GABRG2: variants seen among roughly 807,000 people sequenced by gnomAD.
The protein encoded by GABRG2 is gamma-aminobutyric acid receptor subunit gamma-2.
GABRG2 carries 16 observed loss-of-function variants against 56.4 expected under a neutral mutation model. That is an observed-to-expected ratio of 0.28 (90% CI 0.19 to 0.43). The LOEUF is 0.43. Among genes scored for constraint, GABRG2 ranks in the 20% least tolerant of loss-of-function variants. The probability of loss-of-function intolerance (pLI) is 1.00; values close to 1 mark genes in which losing one functional copy is unlikely to be tolerated. For missense variants in GABRG2, 327 were observed against 582.7 expected, an observed-to-expected ratio of 0.56 and a Z score of 4.52; for synonymous variants, 208 against 205.5, an observed-to-expected ratio of 1.01 and a Z score of -0.10.
chr5:162,094,199 C>T, intron 2 of GABRG2: 1 of 536,060 alleles, frequency 1.9e-6, no homozygotes, highest in South Asian at 2.2e-5. Context: ...AGCTTGAGAG[C>T]TAGAGTTAGA....
intron 7 of GABRG2, among the ~76,000 whole-genome samples, chr5:162,143,375 CTT>C (rs560506648): frequency 4.4e-4 from 67 of 152,224 alleles, no homozygotes; most frequent in African/African-American, 1.2e-3. Context: ...AAAAGCGACT[CTT>C]AAGATTATTT....
chr5:162,077,109 GTGA>G (rs1295671089), intron 1 of GABRG2, among the ~76,000 whole-genome samples: 1,434 of 136,378 alleles, frequency 0.011, 26 homozygotes, highest in African/African-American at 0.04. Context: ...GTGTGTGTGT[GTGA>G]TGTTTCTATC....
chr5:162,115,666 G>T (rs1391159446), intron 6 of GABRG2, among the ~76,000 whole-genome samples: 2 of 152,062 alleles, frequency 1.3e-5, no homozygotes, highest in Admixed American at 6.6e-5. Flanking sequence ...AGAGAGGAAG[G>T]AAAAGATACT....
chr5:162,095,403 T>G (rs1457898997), intron 2 of GABRG2, 92 bp from the exon 3 acceptor site: 1 of 779,822 alleles, frequency 1.3e-6, no homozygotes, highest in Non-Finnish European at 2.2e-6. Flanking sequence ...ACTTCTAATG[T>G]AGCTAAATAA....
In GABRG2 at chr5:162,154,305, T is replaced by A. The variant is rs1314722012; in HGVS notation, c.*937T>A. ...ACAGAACTTATTCTCCATCTCAAGA[T>A]CTGCTTCTAGTGATTGTGAGTGCCT... On this transcript the variant is annotated 3_prime_UTR_variant, in exon 10 of 10. Coordinates refer to ENST00000639213, the MANE Select transcript of GABRG2 (RefSeq NM_198904.4). 6.6e-6 allele frequency: 1 copy of A among 152,198 alleles called. No homozygotes were observed. Among genetic ancestry groups the A allele is most frequent in the Non-Finnish European group, 1.5e-5 (1 of 68,048 alleles). 9.4% of individuals were successfully genotyped at this position (152,198 alleles called of 1,614,324 possible).
intron 6 of GABRG2, 149 bp from the exon 7 acceptor site, chr5:162,142,014 AC>A: frequency 2.0e-6 from 2 of 985,840 alleles, no homozygotes; most frequent in Non-Finnish European, 3.1e-6. Context: ...TTGTTTTTTA[AC>A]CCAAGCGGGC....
chr5:162,138,585 AAAAAAGGAGCTAG>A (rs1210501066), intron 6 of GABRG2, among the ~76,000 whole-genome samples: 1 of 152,204 alleles, frequency 6.6e-6, no homozygotes, highest in African/African-American at 2.4e-5. Flanking sequence ...CTGTGGACTT[AAAAAAGGAGCTAG>A]AAAAAGGAAT....
At chr5:162,115,009 TC>T (rs1424235592) in intron 6 of GABRG2, among the ~76,000 whole-genome samples, 1 of 152,050 alleles carries the variant, frequency 6.6e-6, no homozygotes, top group East Asian at 1.9e-4. Flanking sequence ...GCATTGTCAA[TC>T]AAACTGATAC....
At chr5:162,153,018 G>A in intron 9 of GABRG2, 75 bp from the exon 10 acceptor site, 2 of 1,539,712 alleles carry the variant, frequency 1.3e-6, no homozygotes, top group Non-Finnish European at 1.8e-6. Context: ...TCACATTGGT[G>A]ACATTGTGGA....
chr5:162,103,301 T>C (rs1761569835), intron 5 of GABRG2: 1 of 155,472 alleles, frequency 6.4e-6, no homozygotes, highest in Admixed American at 6.3e-5. Flanking sequence ...CTCATTGATA[T>C]CTTCCTCTTA....
chr5:162,116,998 A>G (rs374319555), intron 6 of GABRG2, among the ~76,000 whole-genome samples: 60 of 152,310 alleles, frequency 3.9e-4, no homozygotes, highest in African/African-American at 1.3e-3. Flanking sequence ...ATACTCTCAG[A>G]GAAAATACTG....
chr5:162,100,354 T>C (rs1247200563), intron 4 of GABRG2: 2 of 152,130 alleles, frequency 1.3e-5, no homozygotes, highest in Non-Finnish European at 2.9e-5. Context: ...AATACTTTCC[T>C]TACATCAATA....
chr5:162,090,564 C>A (rs209354), intron 1 of GABRG2, among the ~76,000 whole-genome samples: 63,930 of 151,936 alleles, frequency 0.42, 13,516 homozygotes, highest in African/African-American at 0.45. Flanking sequence ...GATTTTCTAA[C>A]CATGAATATT....
chr5:162,108,744 C>T (rs945669002), intron 6 of GABRG2, among the ~76,000 whole-genome samples: 10 of 152,168 alleles, frequency 6.6e-5, no homozygotes, highest in African/African-American at 2.4e-4. Flanking sequence ...TAAAAATCTG[C>T]CTGACAAGTG....
chr5:162,106,138 G>A (rs758027340), intron 6 of GABRG2, among the ~76,000 whole-genome samples: 1 of 152,114 alleles, frequency 6.6e-6, no homozygotes, highest in Non-Finnish European at 1.5e-5. Flanking sequence ...ACTTGTGGGA[G>A]AAAATTATCT....
At chr5:162,097,387 G>T (rs769338968) in intron 3 of GABRG2, among the ~76,000 whole-genome samples, 4 of 152,102 alleles carry the variant, frequency 2.6e-5, no homozygotes, top group African/African-American at 9.7e-5. Context: ...GTAAAGGATT[G>T]TATCAAGGCT....
chr5:162,150,394 A>G (rs986514520), intron 8 of GABRG2: 2 of 152,236 alleles, frequency 1.3e-5, no homozygotes, highest in African/African-American at 2.4e-5. Flanking sequence ...AACAGGGAGG[A>G]TGACTTCTAC....
chr5:162,102,260 C>T, intron 5 of GABRG2: 1 of 216,230 alleles, frequency 4.6e-6, no homozygotes, highest in Non-Finnish European at 9.6e-6. Context: ...TTCCTGAATC[C>T]AAGAATGAAA....
At chr5:162,149,549 CTT>C (rs748628291) in intron 8 of GABRG2, 2 of 759,908 alleles carry the variant, frequency 2.6e-6, no homozygotes, top group South Asian at 2.7e-5. Flanking sequence ...TACCTGCTCT[CTT>C]TATTTTGTGG....
Sources: gnomAD v4.1 joint callset for allele counts (sites outside exome capture counted in the v4.1 genomes callset) on GRCh38, gnomAD v4.1.1 for gene constraint, MANE v1.5 for transcripts, NCBI Gene and HGNC (gene_info 2026-07-23, HGNC 2026-07-21) for gene names.